Variants in DHRSX observed in about 807,000 individuals in gnomAD.
DHRSX encodes polyprenol dehydrogenase.
In DHRSX, 31 loss-of-function variants were observed where a neutral mutation model predicts 34.0. The observed-to-expected ratio is 0.91, with a 90% confidence interval of 0.69 to 1.23. The LOEUF (loss-of-function observed/expected upper bound fraction) is 1.23, where lower values mean the gene tolerates loss of function less well. Among genes scored for constraint, DHRSX ranks in the 50% most tolerant of loss-of-function variants. The pLI, the probability that DHRSX is intolerant of heterozygous loss-of-function variation, is 0.00. For missense variants in DHRSX, 414 were observed against 428.1 expected, an observed-to-expected ratio of 0.97 and a Z score of 0.29; for synonymous variants, 201 against 183.8, an observed-to-expected ratio of 1.09 and a Z score of -0.76.
chrX:2,243,531 G>A (rs1569478815), intron 5 of DHRSX, among the ~76,000 whole-genome samples: 1 of 151,854 alleles, frequency 6.6e-6, no homozygotes, highest in Non-Finnish European at 1.5e-5. Context: ...CTGTCGCCCA[G>A]GCTGGAGTGC....
At chrX:2,405,659 T>C (rs2043544025) in intron 3 of DHRSX, among the ~76,000 whole-genome samples, 1 of 149,094 alleles carries the variant, frequency 6.7e-6, no homozygotes. Context: ...TAGCTGGGTG[T>C]GGTGCTGCAC....
intron 3 of DHRSX, among the ~76,000 whole-genome samples, chrX:2,332,456 G>A (rs1391304567): frequency 6.6e-6 from 1 of 152,232 alleles, no homozygotes; most frequent in Non-Finnish European, 1.5e-5. Context: ...ATGACAGTAT[G>A]TGAGCATTAG....
intron 3 of DHRSX, among the ~76,000 whole-genome samples, chrX:2,314,192 GGAGGGAAGGAAGA>G: frequency 2.0e-5 from 2 of 98,232 alleles, no homozygotes; most frequent in South Asian, 4.2e-4. Context: ...AAGGAGGGAA[GGAGGGAAGGAAGA>G]GAGGGAGGGA....
intron 3 of DHRSX, among the ~76,000 whole-genome samples, chrX:2,390,378 T>C (rs144596154): frequency 6.6e-6 from 1 of 151,838 alleles, no homozygotes; most frequent in African/African-American, 2.4e-5. Flanking sequence ...CCTCAGGTGA[T>C]CCACCCGCCT....
intron 3 of DHRSX, among the ~76,000 whole-genome samples, chrX:2,383,230 C>A (rs918165871): frequency 2.0e-5 from 3 of 151,788 alleles, no homozygotes; most frequent in African/African-American, 7.3e-5. Flanking sequence ...ATTATCATTT[C>A]TATCACCCCA....
At chrX:2,432,821 A>C (rs2043943943) in intron 1 of DHRSX, among the ~76,000 whole-genome samples, 1 of 152,230 alleles carries the variant, frequency 6.6e-6, no homozygotes, top group African/African-American at 2.4e-5. Flanking sequence ...TCACTATTTA[A>C]AAAACTACTT....
At position 2,415,438 on chromosome X, in the gene DHRSX, A is replaced by G. The variant is rs748157728; in HGVS notation, c.218-6625T>C. On this transcript the variant is annotated intron_variant, in intron 2 of 6. Transcript: ENST00000334651. ...ATGACAAACTCAATGAGACCTCATC[A>G]TAACTTACCCCAACTACATCACATC... Among the ~76,000 whole-genome samples, 166 of 152,054 alleles carry G rather than the reference A, an allele frequency of 1.1e-3. 1 individual carries two copies. Among genetic ancestry groups the G allele is most frequent in the African/African-American group, 3.8e-3 (158 of 41,490 alleles).
In DHRSX at chrX:2,446,044, G is replaced by A. The variant is rs187398277; in HGVS notation, c.110-20740C>T. 5.9e-5 allele frequency among the ~76,000 whole-genome samples: 9 copies of A among 151,894 alleles called. 1 individual carries two copies. The highest frequency in any genetic ancestry group is 1.9e-4 in the East Asian group (1 of 5,142). ...TGTATTCACTAAAGACATTCCCTAA[G>A]TTTGTGGCTAAGGGACCGCCATCAT... On this transcript the variant is annotated intron_variant, in intron 1 of 6. Coordinates refer to ENST00000334651, the MANE Select transcript of DHRSX (RefSeq NM_145177.3).
intron 1 of DHRSX, among the ~76,000 whole-genome samples, chrX:2,476,011 A>G (rs1319439558): frequency 6.6e-6 from 1 of 152,156 alleles, no homozygotes; most frequent in Non-Finnish European, 1.5e-5. Context: ...TTAACATACA[A>G]AATCAGGCTG....
intron 3 of DHRSX, among the ~76,000 whole-genome samples, chrX:2,372,500 C>T (rs2043084495): frequency 6.6e-6 from 1 of 152,092 alleles, no homozygotes; most frequent in Non-Finnish European, 1.5e-5. Context: ...ACCCAGGACC[C>T]AACAAGGGCA....
chrX:2,229,283 G>C (rs979266014), intron 6 of DHRSX, among the ~76,000 whole-genome samples: 1 of 152,116 alleles, frequency 6.6e-6, no homozygotes, highest in Non-Finnish European at 1.5e-5. Context: ...AGGGGACGGA[G>C]TAATGCTGTG....
At chrX:2,312,748 C>G (rs1242606894) in intron 3 of DHRSX, among the ~76,000 whole-genome samples, 4 of 152,086 alleles carry the variant, frequency 2.6e-5, no homozygotes, top group African/African-American at 7.2e-5. Context: ...CACCTCTACC[C>G]TATGGAATCC....
intron 4 of DHRSX, among the ~76,000 whole-genome samples, chrX:2,290,871 T>C (rs1356955463): frequency 2.0e-5 from 3 of 151,984 alleles, no homozygotes; most frequent in Admixed American, 1.3e-4. Flanking sequence ...GGGATGAGAG[T>C]AATGGGCATC....
chrX:2,330,274 G>A (rs1172330414), intron 3 of DHRSX, among the ~76,000 whole-genome samples: 2 of 151,764 alleles, frequency 1.3e-5, no homozygotes, highest in South Asian at 2.1e-4. Context: ...TGTAATCCTA[G>A]CACTTTGGGA....
chrX:2,224,204 A>G (rs1392910253), intron 6 of DHRSX, among the ~76,000 whole-genome samples: 1 of 152,160 alleles, frequency 6.6e-6, no homozygotes, highest in Admixed American at 6.5e-5. Context: ...TTGACCATGT[A>G]GTATGATGCC....
chrX:2,446,749 C>T (rs1327937954), intron 1 of DHRSX, among the ~76,000 whole-genome samples: 4 of 150,508 alleles, frequency 2.7e-5, no homozygotes, highest in Admixed American at 2.6e-4. Flanking sequence ...ACACCATGTA[C>T]AGAAGAAGAC....
intron 3 of DHRSX, among the ~76,000 whole-genome samples, chrX:2,400,661 G>C (rs939874983): frequency 6.6e-6 from 1 of 152,192 alleles, no homozygotes; most frequent in Non-Finnish European, 1.5e-5. Context: ...AGGCGATGAG[G>C]AGGGTGAGTA....
intron 1 of DHRSX, among the ~76,000 whole-genome samples, chrX:2,463,513 C>T (rs2044432000): frequency 1.4e-5 from 2 of 146,456 alleles, no homozygotes; most frequent in East Asian, 4.0e-4. Context: ...TCCAGAAATC[C>T]GAAGATTCAG....
At chrX:2,313,323 T>C (rs1226849018) in intron 3 of DHRSX, among the ~76,000 whole-genome samples, 3 of 151,934 alleles carry the variant, frequency 2.0e-5, no homozygotes, top group Admixed American at 6.6e-5. Context: ...TATCCCTTTT[T>C]AGGCCAAACC....
Sources: allele counts gnomAD v4.1 joint callset (sites outside exome capture counted in the v4.1 genomes callset), GRCh38; gene constraint gnomAD v4.1.1; transcripts MANE v1.5; gene names NCBI Gene and HGNC (gene_info 2026-07-23, HGNC 2026-07-21).